Variants in EHBP1 observed in about 807,000 individuals in gnomAD.
The protein encoded by EHBP1 is EH domain-binding protein 1.
EHBP1 carries 55 observed loss-of-function variants against 144.0 expected under a neutral mutation model. The observed-to-expected ratio is 0.38, with a 90% CI of 0.31 to 0.48. EHBP1 has a LOEUF of 0.48. Among genes scored for constraint, EHBP1 ranks in the 20% least tolerant of loss-of-function variants. The pLI, the probability that EHBP1 is intolerant of heterozygous loss-of-function variation, is 0.98. For synonymous variants in EHBP1, 469 were observed against 472.7 expected (o/e 0.99, Z 0.10); for missense variants, 1,200 against 1,364.2 (o/e 0.88, Z 1.90).
chr2:62,678,090 T>C (rs2033374891), intron 1 of EHBP1, among the ~76,000 whole-genome samples: 1 of 152,242 alleles, frequency 6.6e-6, no homozygotes, highest in Non-Finnish European at 1.5e-5. Context: ...CTCATTTATG[T>C]TCCCACCAAC....
chr2:63,034,732 T>C (rs903465490), intron 19 of EHBP1, among the ~76,000 whole-genome samples: 2 of 152,088 alleles, frequency 1.3e-5, no homozygotes, highest in Non-Finnish European at 2.9e-5. Context: ...GATCTGATTA[T>C]ATGCTTCATG....
intron 14 of EHBP1, among the ~76,000 whole-genome samples, chr2:62,957,160 G>A (rs1295002344): frequency 1.3e-5 from 2 of 152,010 alleles, no homozygotes; most frequent in Admixed American, 1.3e-4. Flanking sequence ...GGTCAATTTG[G>A]ATTTATTCTA....
intron 2 of EHBP1, among the ~76,000 whole-genome samples, chr2:62,709,963 T>G (rs1357182112): frequency 1.3e-5 from 2 of 152,120 alleles, no homozygotes; most frequent in African/African-American, 4.8e-5. Context: ...TGAAGGGGCT[T>G]TAGCAAATTT....
chr2:62,739,055 AAAGCACTCCACT>A (rs1373880976), intron 2 of EHBP1, among the ~76,000 whole-genome samples: 1 of 152,242 alleles, frequency 6.6e-6, no homozygotes, highest in African/African-American at 2.4e-5. Context: ...TACTGAAAGC[AAAGCACTCCACT>A]AAGCACTTCA....
intron 3 of EHBP1, among the ~76,000 whole-genome samples, chr2:62,763,250 A>C (rs1294598903): frequency 6.6e-6 from 1 of 151,486 alleles, no homozygotes; most frequent in Non-Finnish European, 1.5e-5. Flanking sequence ...ACTTACCTCT[A>C]CCTAACATAT....
At chr2:62,783,571 A>G (rs1471483585) in intron 5 of EHBP1, among the ~76,000 whole-genome samples, 4 of 152,256 alleles carry the variant, frequency 2.6e-5, no homozygotes, top group Admixed American at 2.6e-4. Flanking sequence ...CACCACGTAG[A>G]AGCTGCCAAG....
In EHBP1 at chr2:62,775,644, T is replaced by C. The variant is rs1206384941; in HGVS notation, c.312+4252T>C. On this transcript the variant is annotated intron_variant, in intron 5 of 22. Coordinates refer to ENST00000431489, the MANE Select transcript of EHBP1 (RefSeq NM_001142616.3). ...CCAATAAAACAGAAGTCTCCAAATA[T>C]ATATCACTGTAACAAATTTATTGGA... Among the ~76,000 whole-genome samples the C allele has an allele frequency of 2.0e-5, 3 of 152,298 alleles. No individual in the cohort carries two copies. The East Asian group carries it at 5.8e-4, about 29-fold the overall frequency.
chr2:62,805,571 G>A (rs571508922), intron 5 of EHBP1, among the ~76,000 whole-genome samples: 10 of 151,090 alleles, frequency 6.6e-5, no homozygotes, highest in African/African-American at 2.4e-4. Flanking sequence ...ATGGAGTATA[G>A]TGGCGCAGTC....
intron 1 of EHBP1, among the ~76,000 whole-genome samples, chr2:62,681,378 A>AT (rs1278575532): frequency 1.7e-4 from 20 of 115,646 alleles, no homozygotes; most frequent in Non-Finnish European, 2.4e-4. Flanking sequence ...TATATGTATA[A>AT]ATATATAATG....
At chr2:62,997,280 G>C (rs962655754) in intron 19 of EHBP1, among the ~76,000 whole-genome samples, 1 of 152,028 alleles carries the variant, frequency 6.6e-6, no homozygotes, top group African/African-American at 2.4e-5. Flanking sequence ...AGTTGCATTT[G>C]AAAGGATTAC....
chr2:62,701,242 G>T (rs1248464930), upstream of EHBP1, among the ~76,000 whole-genome samples: 4 of 151,988 alleles, frequency 2.6e-5, no homozygotes, highest in Admixed American at 2.6e-4. Context: ...AAGAGTAAAG[G>T]AACAGGTAAA....
At position 62,841,605 on chromosome 2, in the gene EHBP1, T is replaced by C. The variant is rs540849697; in HGVS notation, c.634+10447T>C. Among the ~76,000 whole-genome samples, 10 of 152,346 alleles carry C rather than the reference T, an allele frequency of 6.6e-5. No homozygotes were observed. The South Asian group carries it at 1.9e-3, about 28-fold the overall frequency. On this transcript the variant is annotated intron_variant, in intron 7 of 22. Coordinates refer to ENST00000431489, the MANE Select transcript of EHBP1 (RefSeq NM_001142616.3). ...TTCCCTCCAACCCCATTGGCTATTATGTTTATTTCAATAACATTTTGCTAA... is the reference window on the plus strand; with the variant it reads ...TTCCCTCCAACCCCATTGGCTATTACGTTTATTTCAATAACATTTTGCTAA...
chr2:62,842,028 C>T (rs1432596506), intron 7 of EHBP1, among the ~76,000 whole-genome samples: 2 of 152,018 alleles, frequency 1.3e-5, no homozygotes, highest in Non-Finnish European at 2.9e-5. Flanking sequence ...CTGTATGTGT[C>T]TTCATGTGAA....
chr2:62,966,081 T>C (rs997858447), intron 14 of EHBP1, among the ~76,000 whole-genome samples: 2 of 152,234 alleles, frequency 1.3e-5, no homozygotes, highest in African/African-American at 4.8e-5. Flanking sequence ...AGCTTTTCAG[T>C]TGAACAAATT....
intron 10 of EHBP1, among the ~76,000 whole-genome samples, chr2:62,895,459 C>T (rs1416215281): frequency 1.3e-5 from 2 of 152,138 alleles, no homozygotes; most frequent in Non-Finnish European, 2.9e-5. Context: ...TCTGCTGTTA[C>T]TGATACTTTT....
chr2:62,913,053 C>CTG (rs2054346208), intron 10 of EHBP1, among the ~76,000 whole-genome samples: 1 of 152,122 alleles, frequency 6.6e-6, no homozygotes, highest in Admixed American at 6.6e-5. Flanking sequence ...AAATGGCAAA[C>CTG]GATGTCTGCA....
intron 14 of EHBP1, among the ~76,000 whole-genome samples, chr2:62,963,460 T>A (rs1024410860): frequency 7.2e-5 from 11 of 152,320 alleles, no homozygotes; most frequent in Admixed American, 5.9e-4. Context: ...TTTTCCGTAG[T>A]TTTCATATAT....
At chr2:62,784,478 G>A (rs1399688287) in intron 5 of EHBP1, among the ~76,000 whole-genome samples, 2 of 152,168 alleles carry the variant, frequency 1.3e-5, no homozygotes, top group African/African-American at 2.4e-5. Flanking sequence ...AGATCTGTAA[G>A]CAAATCATCG....
intron 7 of EHBP1, among the ~76,000 whole-genome samples, chr2:62,858,211 A>G (rs1218937537): frequency 7.9e-5 from 12 of 152,182 alleles, no homozygotes; most frequent in Non-Finnish European, 1.5e-4. Context: ...AATGCTTTCT[A>G]TTTTAAAATA....
Sources: gnomAD v4.1 joint callset for allele counts (sites outside exome capture counted in the v4.1 genomes callset) on GRCh38, gnomAD v4.1.1 for gene constraint, MANE v1.5 for transcripts, NCBI Gene and HGNC (gene_info 2026-07-23, HGNC 2026-07-21) for gene names.